Variants in SCHIP1 observed in about 807,000 individuals in gnomAD.
The protein encoded by SCHIP1 is schwannomin-interacting protein 1.
SCHIP1 carries 8 observed loss-of-function variants against 29.7 expected under a neutral mutation model. That is an observed-to-expected ratio of 0.27 (90% CI 0.16 to 0.49). The LOEUF is 0.49. Ranked by LOEUF, SCHIP1 falls within the 20% of genes least tolerant of loss-of-function variation. SCHIP1 has a pLI of 0.99. For synonymous variants in SCHIP1, 76 were observed against 94.9 expected, an observed-to-expected ratio of 0.80 and a Z score of 1.16; for missense variants, 193 against 294.6, an observed-to-expected ratio of 0.66 and a Z score of 2.52.
the SCHIP1 span, among the ~76,000 whole-genome samples, chr3:159,484,877 G>C: frequency 2.6e-5 from 4 of 152,160 alleles, no homozygotes; most frequent in African/African-American, 9.7e-5. Context: ...TCCAAGCTGG[G>C]TTATTAAGAA....
the SCHIP1 span, among the ~76,000 whole-genome samples, chr3:159,550,630 G>C: frequency 6.6e-6 from 1 of 151,948 alleles, no homozygotes; most frequent in East Asian, 1.9e-4. Context: ...AAATAACATA[G>C]AGTTATATTT....
At chr3:159,285,301 T>C in the SCHIP1 span, among the ~76,000 whole-genome samples, 1 of 152,086 alleles carries the variant, frequency 6.6e-6, no homozygotes, top group Admixed American at 6.6e-5. Context: ...TTTGTTTCCG[T>C]GATAGATAAC....
the SCHIP1 span, among the ~76,000 whole-genome samples, chr3:159,626,147 G>GATAT: frequency 7.3e-5 from 6 of 82,646 alleles, no homozygotes; most frequent in South Asian, 9.6e-4. Flanking sequence ...GATATATCTA[G>GATAT]ATATATATAT....
the SCHIP1 span, among the ~76,000 whole-genome samples, chr3:159,525,963 TGTA>T: frequency 6.6e-6 from 1 of 152,252 alleles, no homozygotes; most frequent in African/African-American, 2.4e-5. Flanking sequence ...TTTAATTCCT[TGTA>T]GTAACACCAT....
At chr3:159,735,691 A>G in the SCHIP1 span, among the ~76,000 whole-genome samples, 1 of 152,176 alleles carries the variant, frequency 6.6e-6, no homozygotes, top group Admixed American at 6.5e-5. Context: ...TTCTGTCACC[A>G]GTTTAGAAAG....
chr3:159,692,408 G>A, the SCHIP1 span, among the ~76,000 whole-genome samples: 1 of 152,160 alleles, frequency 6.6e-6, no homozygotes, highest in Admixed American at 6.5e-5. Flanking sequence ...ATTTCTTGGA[G>A]GCTTTGTTTG....
chr3:159,811,281 A>G, the SCHIP1 span, among the ~76,000 whole-genome samples: 2 of 152,190 alleles, frequency 1.3e-5, no homozygotes, highest in Non-Finnish European at 2.9e-5. Flanking sequence ...TTGAAGCACA[A>G]AAGTTTTTAA....
At chr3:159,369,939 T>C in the SCHIP1 span, among the ~76,000 whole-genome samples, 1 of 152,172 alleles carries the variant, frequency 6.6e-6, no homozygotes, top group Non-Finnish European at 1.5e-5. Context: ...CTGAGAACTG[T>C]TTCTGAGTGA....
the SCHIP1 span, among the ~76,000 whole-genome samples, chr3:159,576,341 C>T: frequency 4.6e-5 from 7 of 152,124 alleles, no homozygotes; most frequent in South Asian, 8.3e-4. Flanking sequence ...TCTTCTGACT[C>T]ATGTTTACTG....
the SCHIP1 span, among the ~76,000 whole-genome samples, chr3:159,511,747 T>A: frequency 2.6e-5 from 4 of 152,214 alleles, no homozygotes; most frequent in Admixed American, 2.0e-4. Context: ...GCTTTGCAGA[T>A]CAGAAGAAAG....
the SCHIP1 span, among the ~76,000 whole-genome samples, chr3:159,407,750 C>G: frequency 6.6e-6 from 1 of 152,118 alleles, no homozygotes; most frequent in Non-Finnish European, 1.5e-5. Context: ...AGTATACAAA[C>G]ACATTGAAAT....
the SCHIP1 span, among the ~76,000 whole-genome samples, chr3:159,823,500 C>T: frequency 6.6e-6 from 1 of 152,116 alleles, no homozygotes; most frequent in Admixed American, 6.5e-5. Flanking sequence ...AGTGTTGGAG[C>T]AAGGACAAAT....
At chr3:159,380,897 C>G in the SCHIP1 span, among the ~76,000 whole-genome samples, 1 of 152,152 alleles carries the variant, frequency 6.6e-6, no homozygotes, top group Non-Finnish European at 1.5e-5. Context: ...GGACCACGCT[C>G]TAGTAAAAGA....
At chr3:159,765,033 G>C in the SCHIP1 span, 2 of 1,546,378 alleles carry the variant, frequency 1.3e-6, no homozygotes, top group South Asian at 1.2e-5. Flanking sequence ...AAGAGCCCCC[G>C]GTGCCACCTA....
the SCHIP1 span, among the ~76,000 whole-genome samples, chr3:159,340,064 A>G: frequency 6.6e-6 from 1 of 152,252 alleles, no homozygotes; most frequent in Non-Finnish European, 1.5e-5. Flanking sequence ...AAGAGGACCT[A>G]ATCAACTCTC....
At chr3:159,493,093 T>A in the SCHIP1 span, among the ~76,000 whole-genome samples, 7 of 152,308 alleles carry the variant, frequency 4.6e-5, no homozygotes, top group South Asian at 6.2e-4. Context: ...AAAGAGCTCC[T>A]GAAGGAAGTA....
chr3:159,273,538 A>G, the SCHIP1 span: 2 of 1,210,148 alleles, frequency 1.7e-6, no homozygotes, highest in South Asian at 2.5e-5. Context: ...TGTTTTATCA[A>G]TTTGAAGAAC....
chr3:159,421,643 AG>A, the SCHIP1 span, among the ~76,000 whole-genome samples: 1 of 152,234 alleles, frequency 6.6e-6, no homozygotes, highest in Non-Finnish European at 1.5e-5. Context: ...GGTTTACAAA[AG>A]CTGGCAGAAA....
the SCHIP1 span, among the ~76,000 whole-genome samples, chr3:159,799,498 T>C: frequency 6.6e-6 from 1 of 152,230 alleles, no homozygotes; most frequent in Non-Finnish European, 1.5e-5. Context: ...GTGCCAGGGA[T>C]ACGGGTGACC....
Sources: gnomAD v4.1 joint callset for allele counts (sites outside exome capture counted in the v4.1 genomes callset) on GRCh38, gnomAD v4.1.1 for gene constraint, MANE v1.5 for transcripts, NCBI Gene and HGNC (gene_info 2026-07-23, HGNC 2026-07-21) for gene names.